DOCK10: variants seen among roughly 807,000 people sequenced by gnomAD.
DOCK10 encodes the protein dedicator of cytokinesis protein 10.
DOCK10 carries 145 observed loss-of-function variants against 280.1 expected under a neutral mutation model. That is an observed-to-expected ratio of 0.52 (90% CI 0.45 to 0.59). The LOEUF is 0.59. Among genes scored for constraint, DOCK10 ranks in the 20% least tolerant of loss-of-function variants. DOCK10 has a pLI of 0.00. For synonymous variants in DOCK10, 915 were observed against 942.2 expected (o/e 0.97, Z 0.53); for missense variants, 2,368 against 2,651.7 (o/e 0.89, Z 2.35).
chr2:224,768,499 T>C (rs1014064269), intron 55 of DOCK10, among the ~76,000 whole-genome samples: 8 of 152,216 alleles, frequency 5.3e-5, no homozygotes, highest in African/African-American at 1.9e-4. Context: ...TTTGCTTCTT[T>C]TAGCAAAGGT....
intron 11 of DOCK10, among the ~76,000 whole-genome samples, chr2:224,866,309 T>C (rs1445848999): frequency 1.3e-5 from 2 of 152,220 alleles, no homozygotes; most frequent in Non-Finnish European, 2.9e-5. Flanking sequence ...GTCTGTTGTA[T>C]GTGTCCTCGT....
intron 7 of DOCK10, among the ~76,000 whole-genome samples, chr2:224,885,155 G>A (rs539579544): frequency 6.2e-4 from 94 of 152,030 alleles, no homozygotes; most frequent in Non-Finnish European, 9.6e-4. Context: ...CTGTGCCACC[G>A]CATCTGGCTA....
chr2:224,770,404 C>G lies in DOCK10; in HGVS notation c.6306-55G>C, dbSNP rs558501585. The G allele has an allele frequency of 4.5e-6, 7 of 1,562,948 alleles. No individual in the cohort carries two copies. The South Asian group carries it at 7.3e-5, about 16-fold the overall frequency. On this transcript the variant is annotated intron_variant, in intron 54 of 55. Coordinates refer to ENST00000258390, the MANE Select transcript of DOCK10 (RefSeq NM_014689.3). The surrounding 1 kb of genome is among the most constrained non-coding windows in gnomAD (Gnocchi z 4.5). ...ACCAGCCCTCGGAAGTGGCATTGAGCTCAGTGACTGTGAGTTCAGAGTCAG... is the reference window on the plus strand; with the variant it reads ...ACCAGCCCTCGGAAGTGGCATTGAGGTCAGTGACTGTGAGTTCAGAGTCAG...
intron 23 of DOCK10, 94 bp from the exon 24 acceptor site, chr2:224,840,166 A>T (rs758137435): frequency 2.6e-5 from 16 of 620,222 alleles, no homozygotes; most frequent in African/African-American, 2.6e-4. Flanking sequence ...AGAAGAAAAC[A>T]TAAGGAGAAA....
At chr2:224,855,880 T>G (rs1222323426) in intron 15 of DOCK10, among the ~76,000 whole-genome samples, 1 of 152,218 alleles carries the variant, frequency 6.6e-6, no homozygotes, top group Non-Finnish European at 1.5e-5. Flanking sequence ...AACTTACCAT[T>G]AAAGAAATTA....
In DOCK10 at chr2:224,956,658, G is replaced by A. The variant is rs182016268; in HGVS notation, c.124-24990C>T. On this transcript the variant is annotated intron_variant, in intron 1 of 55. Coordinates refer to ENST00000258390, the MANE Select transcript of DOCK10 (RefSeq NM_014689.3). Reference sequence around the variant, plus strand: ...AAAAAAAAAAAAAAAAAAGAGCATCGAAGTGATGCCTGTTAAAGACACTAC... The same window carrying A: ...AAAAAAAAAAAAAAAAAAGAGCATCAAAGTGATGCCTGTTAAAGACACTAC... 2.3e-3 allele frequency among the ~76,000 whole-genome samples: 333 copies of A among 143,544 alleles called. 3 individuals are homozygous for A. Among genetic ancestry groups the A allele is most frequent in the Admixed American group, 6.8e-3 (98 of 14,312 alleles). The allele number at this position is 143,544 out of a possible 152,430, so 94.2% of individuals were successfully genotyped here.
In DOCK10 at chr2:224,796,397, G is replaced by C; in HGVS notation, c.4857C>G (p.Ala1619=). ...QLIKAVSQLI[A]DAGIGGSRFQ... ...ACCGAGAGCCTCCAATCCCAGCATC[G>C]GCTATTAACTGGCTCACAGCTTTGA... Residue 1619 remains alanine, a synonymous_variant, in exon 44 of 56, where the codon GCC becomes GCG. Transcript: ENST00000258390. 6.4e-7 allele frequency: 1 copy of C among 1,568,268 alleles called. No homozygotes were observed. Among genetic ancestry groups the C allele is most frequent in the Non-Finnish European group, 8.7e-7 (1 of 1,155,368 alleles).
Position 224,967,895 on chromosome 2 carries a change from ACTT to A in DOCK10, c.124-36230_124-36228del, listed in dbSNP as rs199668157. 7.1e-3 allele frequency among the ~76,000 whole-genome samples: 1,084 copies of A among 152,268 alleles called. 14 individuals carry two copies. Among genetic ancestry groups the A allele is most frequent in the African/African-American group, 0.024 (1,005 of 41,562 alleles). On this transcript the variant is annotated intron_variant, in intron 1 of 55. Coordinates refer to ENST00000258390, the MANE Select transcript of DOCK10 (RefSeq NM_014689.3). Reference sequence around the variant, plus strand: ...TATTTATATTTTTCTCATAGTATATACTTCTTTTACAATTTAAAAATATATAAA... The same window carrying A: ...TATTTATATTTTTCTCATAGTATATACTTTTACAATTTAAAAATATATAAA...
intron 11 of DOCK10, among the ~76,000 whole-genome samples, chr2:224,873,665 ACT>A (rs1472893080): frequency 5.3e-5 from 8 of 151,678 alleles, no homozygotes; most frequent in Non-Finnish European, 8.8e-5. Flanking sequence ...GCCATAGGAA[ACT>A]CTAAACCACT....
At chr2:224,864,445 G>C (rs559670992) in intron 13 of DOCK10, 108 bp downstream of exon 13, 2 of 1,077,406 alleles carry the variant, frequency 1.9e-6, no homozygotes, top group Non-Finnish European at 2.6e-6. Flanking sequence ...AGGAGACAGA[G>C]GTTGCAGTGA....
At chr2:224,928,539 C>T (rs577348994) in intron 2 of DOCK10, among the ~76,000 whole-genome samples, 5 of 152,214 alleles carry the variant, frequency 3.3e-5, no homozygotes, top group East Asian at 1.9e-4. Flanking sequence ...CACCCATGGG[C>T]GACAGTTTGC....
At chr2:224,788,628 G>C (rs1243405876) in intron 48 of DOCK10, among the ~76,000 whole-genome samples, 1 of 152,062 alleles carries the variant, frequency 6.6e-6, no homozygotes. Flanking sequence ...ATTCTCAGTA[G>C]AAAGTTTCTT....
In DOCK10 at chr2:224,787,343, G is replaced by GC; in HGVS notation, c.5472dup (p.Arg1825AlafsTer3). 1 of 1,613,780 alleles carries GC rather than the reference G, an allele frequency of 6.2e-7. No individual in the cohort carries two copies. The highest frequency in any genetic ancestry group is 8.5e-7 in the Non-Finnish European group (1 of 1,179,796). On this transcript the variant is annotated frameshift_variant, in exon 49 of 56. Transcript: ENST00000258390. LOFTEE classifies it high-confidence loss of function. Reference sequence around the variant, plus strand: ...TTGACATCAGCAATGAGTTCATATCGCTCAGACTTCCAGAGAAACTCCACA... The same window carrying GC: ...TTGACATCAGCAATGAGTTCATATCGCCTCAGACTTCCAGAGAAACTCCACA...
intron 8 of DOCK10, 123 bp downstream of exon 8, chr2:224,875,914 GA>G: frequency 3.2e-6 from 3 of 927,102 alleles, no homozygotes; most frequent in Non-Finnish European, 4.8e-6. Context: ...GTGATTCTTG[GA>G]ACAAACAGCC....
intron 14 of DOCK10, chr2:224,861,227 A>C (rs998413476): frequency 4.6e-5 from 7 of 152,210 alleles, no homozygotes; most frequent in Non-Finnish European, 4.4e-5. Flanking sequence ...TTCCTATAGA[A>C]AGAGATAGAA....
chr2:224,789,178 G>A lies in DOCK10; in HGVS notation c.5312-8C>T, dbSNP rs770848746. The A allele has an allele frequency of 1.3e-6, 2 of 1,570,192 alleles. No homozygotes were observed. Among genetic ancestry groups the A allele is most frequent in the East Asian group, 4.5e-5 (2 of 44,622 alleles). On this transcript the variant is annotated splice_polypyrimidine_tract_variant and splice_region_variant and intron_variant, in intron 47 of 55. Coordinates refer to ENST00000258390, the MANE Select transcript of DOCK10 (RefSeq NM_014689.3). Reference sequence around the variant, plus strand: ...ATCCCATAGAGAACATGCCTTGGGAGGACCAAGCAGAATAAAACATTATTA... The same window carrying A: ...ATCCCATAGAGAACATGCCTTGGGAAGACCAAGCAGAATAAAACATTATTA...
rs1693375221 is a variant in DOCK10, at chr2:224,806,086, TG to T, written c.3814+39del. On this transcript the variant is annotated intron_variant, in intron 34 of 55. Transcript: ENST00000258390. ...CAATGATATACAATGTAAAGGTGGA[TG>T]AGTGTTAAAAATAAGTGTTCTCAGA... 4 of 1,171,162 alleles carry T rather than the reference TG, an allele frequency of 3.4e-6. No homozygotes were observed. In the South Asian group the frequency reaches 4.0e-5, roughly 12 times the overall value. The allele number at this position is 1,171,162 out of a possible 1,614,324, so 72.5% of individuals were successfully genotyped here.
At chr2:224,829,674 A>G (rs1695092333) in intron 27 of DOCK10, among the ~76,000 whole-genome samples, 1 of 152,182 alleles carries the variant, frequency 6.6e-6, no homozygotes, top group Non-Finnish European at 1.5e-5. Context: ...TGAGTAGAGT[A>G]TGATGACCAG....
intron 2 of DOCK10, among the ~76,000 whole-genome samples, chr2:224,929,411 T>C (rs1702202341): frequency 6.6e-6 from 1 of 152,138 alleles, no homozygotes. Flanking sequence ...AATAGTATGT[T>C]TGGAACTGTG....
Sources: gnomAD v4.1 joint callset for allele counts (sites outside exome capture counted in the v4.1 genomes callset) on GRCh38, gnomAD v4.1.1 for gene constraint, Gnocchi (gnomAD v3.1) non-coding constraint, MANE v1.5 for transcripts, NCBI Gene and HGNC (gene_info 2026-07-23, HGNC 2026-07-21) for gene names.